HIF3A: variants seen among roughly 807,000 people sequenced by gnomAD.
HIF3A encodes the protein hypoxia inducible factor 3 subunit alpha, also known as hypoxia-inducible factor 3-alpha.
A neutral mutation model predicts 67.2 loss-of-function variants in HIF3A; 41 were observed. The observed-to-expected ratio is 0.61, with a 90% CI of 0.48 to 0.79. The LOEUF (loss-of-function observed/expected upper bound fraction) is 0.79. HIF3A is among the 30% of genes least tolerant of loss of function. The pLI is 0.00. For synonymous variants in HIF3A, 356 were observed against 374.8 expected (o/e 0.95, Z 0.58); for missense variants, 855 against 898.0 (o/e 0.95, Z 0.61).
At chr19:46,307,434 T>C (rs2311053) in intron 3 of HIF3A, among the ~76,000 whole-genome samples, 40,339 of 149,634 alleles carry the variant, frequency 0.27, 5,687 homozygotes, top group East Asian at 0.49. Context: ...AGACCCCCAT[T>C]TCTACAAAAA....
chr19:46,299,955 C>T (rs1471768652), intron 1 of HIF3A, among the ~76,000 whole-genome samples: 2 of 152,040 alleles, frequency 1.3e-5, no homozygotes, highest in South Asian at 2.1e-4. Flanking sequence ...CTTCCTCATC[C>T]GGAAAATGGG....
intron 3 of HIF3A, among the ~76,000 whole-genome samples, chr19:46,307,987 C>CAGAT (rs751312536): frequency 9.3e-6 from 1 of 107,366 alleles, no homozygotes; most frequent in African/African-American, 3.6e-5. Context: ...GACAGACAGA[C>CAGAT]AGACAGACAG....
In HIF3A at chr19:46,312,280, T is replaced by G. The variant is rs1396680797; in HGVS notation, c.877+13T>G. The G allele has an allele frequency of 6.2e-7, 1 of 1,613,950 alleles. No homozygotes were observed. The highest frequency in any genetic ancestry group is 1.1e-5 in the South Asian group (1 of 91,078). ...AGCATCCACACCTGTATGTATCCCA[T>G]TTCCCCAGGTGCGAAGCCAGCTGCC... is the stretch of plus-strand genomic sequence containing the variant. On this transcript the variant is annotated intron_variant, in intron 7 of 14. Transcript: ENST00000377670.
Position 46,309,344 on chromosome 19 carries a change from C to A in HIF3A, c.755C>A (p.Thr252Asn). Residue 252 changes from threonine to asparagine, a missense_variant, in exon 6 of 15, where the codon ACC (threonine) becomes AAC (asparagine). Coordinates refer to ENST00000377670, the MANE Select transcript of HIF3A (RefSeq NM_152795.4). The stretch of plus-strand genomic sequence containing the variant: ...CGCCACAGCCTGGACATGAAGTTCA[C>A]CTACTGTGACGACAGGTGGGCAGGG... The part of the protein sequence containing the change: ...LSRHSLDMKF[T>N]YCDDRIAEVA... 6.2e-7 allele frequency: 1 copy of A among 1,608,996 alleles called. No individual in the cohort carries two copies. The highest frequency in any genetic ancestry group is 8.5e-7 in the Non-Finnish European group (1 of 1,177,622).
At position 46,297,520 on chromosome 19, in the gene HIF3A, G is replaced by A. The variant is rs1568492437; in HGVS notation, c.26+418G>A. Among the ~76,000 whole-genome samples, 1 of 152,054 alleles carries A rather than the reference G, an allele frequency of 6.6e-6. No homozygotes were observed. Among genetic ancestry groups the A allele is most frequent in the Non-Finnish European group, 1.5e-5 (1 of 67,988 alleles). ...AATTGAGGGTATTCTTTGCCACCAG[G>A]TGCCTGGGATCCTAGGTGATATGGG... On this transcript the variant is annotated intron_variant, in intron 1 of 14. Transcript: ENST00000377670. The surrounding 1 kb of genome is among the most constrained non-coding windows in gnomAD (Gnocchi z 4.5).
rs1270455576 is a variant in HIF3A, at chr19:46,303,915, G to A, written c.44G>A (p.Arg15His). 1.2e-6 allele frequency: 2 copies of A among 1,608,572 alleles called. No individual in the cohort carries two copies. Among genetic ancestry groups the A allele is most frequent in the Non-Finnish European group, 1.7e-6 (2 of 1,177,908 alleles). The change falls in exon 2 of 15, where the codon CGC becomes CAC. Residue 15 changes from arginine (R) to histidine (H), a missense_variant. By Grantham distance (29) the Arg-to-His change is conservative (BLOSUM62 0). Coordinates refer to ENST00000377670, the MANE Select transcript of HIF3A (RefSeq NM_152795.4). ...GCCCTCAGGTCGACCACGGAGCTGC[G>A]CAAGGAAAAGTCCCGGGATGCGGCC... ...LQRARSTTEL[R>H]KEKSRDAARS...
At chr19:46,331,096 C>G in intron 12 of HIF3A, 60 bp from the exon 13 acceptor site, 2 of 1,354,634 alleles carry the variant, frequency 1.5e-6, no homozygotes, top group Non-Finnish European at 2.1e-6. Context: ...CCTGCTTACA[C>G]TGTTATCCAC....
chr19:46,297,149 T>C lies in HIF3A; in HGVS notation c.26+47T>C, dbSNP rs199501715. Reference sequence around the variant, plus strand: ...AGTTCTGGGAATTGGGGGGCTCTCCTCCTGGAGACCCCTGAGCTGGATTGT... The same window carrying C: ...AGTTCTGGGAATTGGGGGGCTCTCCCCCTGGAGACCCCTGAGCTGGATTGT... On this transcript the variant is annotated intron_variant, in intron 1 of 14. Transcript: ENST00000377670. The surrounding 1 kb of genome is among the most constrained non-coding windows in gnomAD (Gnocchi z 4.5). 0.022 allele frequency: 8,290 copies of C among 373,768 alleles called. 67 individuals are homozygous for C. The highest frequency in any genetic ancestry group is 0.034 in the Non-Finnish European group (7,486 of 223,194). The allele number at this position is 373,768 out of a possible 1,614,324, so 23.2% of individuals were successfully genotyped here.
At chr19:46,320,293 A>G (rs942921040) in intron 8 of HIF3A, 150 bp from the exon 9 acceptor site, 7 of 654,196 alleles carry the variant, frequency 1.1e-5, no homozygotes, top group Non-Finnish European at 1.6e-5. Flanking sequence ...ATAGGAGACA[A>G]ATAAATGTGG....
chr19:46,304,160 G>GC (rs1968603538), intron 2 of HIF3A, 72 bp downstream of exon 2: 1 of 1,377,318 alleles, frequency 7.3e-7, no homozygotes. Flanking sequence ...TCCCAGGGAG[G>GC]CCCCTCCTCC....
At chr19:46,323,701 T>A (rs1209248309) in intron 10 of HIF3A, among the ~76,000 whole-genome samples, 5 of 152,120 alleles carry the variant, frequency 3.3e-5, no homozygotes, top group Admixed American at 3.3e-4. Context: ...AAAGATTTAA[T>A]GGACTCACGG....
chr19:46,309,414 C>G, intron 6 of HIF3A, 55 bp downstream of exon 6: 1 of 1,061,362 alleles, frequency 9.4e-7, no homozygotes. Flanking sequence ...TTTCCCTCCC[C>G]ACCTCCACAC....
At chr19:46,302,111 T>G (rs536920595) in intron 1 of HIF3A, among the ~76,000 whole-genome samples, 1 of 151,628 alleles carries the variant, frequency 6.6e-6, no homozygotes, top group African/African-American at 2.4e-5. Flanking sequence ...TGTTAATTTG[T>G]TTTTTGTCTT....
intron 5 of HIF3A, 59 bp from the exon 6 acceptor site, chr19:46,309,092 C>G (rs528571569): frequency 9.6e-6 from 14 of 1,459,694 alleles, no homozygotes; most frequent in Middle Eastern, 1.8e-4. Context: ...TCTTCCAACC[C>G]CATGGGTGGT....
intron 11 of HIF3A, among the ~76,000 whole-genome samples, chr19:46,326,919 C>T (rs569126979): frequency 3.9e-5 from 6 of 152,096 alleles, no homozygotes; most frequent in Non-Finnish European, 5.9e-5. Context: ...TTTGGGAGGC[C>T]GAGGCAGGTG....
At chr19:46,326,423 C>G (rs1009195837) in intron 11 of HIF3A, among the ~76,000 whole-genome samples, 1 of 152,090 alleles carries the variant, frequency 6.6e-6, no homozygotes, top group African/African-American at 2.4e-5. Flanking sequence ...TTGTTTTGGT[C>G]ATATAGATCA....
chr19:46,336,971 A>T (rs1971672440), intron 14 of HIF3A, among the ~76,000 whole-genome samples: 1 of 152,166 alleles, frequency 6.6e-6, no homozygotes, highest in Admixed American at 6.5e-5. Context: ...TGGGCAACAC[A>T]GCAAGACTCT....
chr19:46,298,582 T>C (rs1968058521), intron 1 of HIF3A: 3 of 1,153,050 alleles, frequency 2.6e-6, no homozygotes, highest in Admixed American at 2.8e-5. Context: ...GCCATCCCAC[T>C]GTGGCCAAGG....
At chr19:46,337,052 G>A (rs1194275505) in intron 14 of HIF3A, among the ~76,000 whole-genome samples, 4 of 152,032 alleles carry the variant, frequency 2.6e-5, no homozygotes, top group Admixed American at 6.6e-5. Flanking sequence ...TAAGTGTAAC[G>A]GGGAAATAAT....
Sources: gnomAD v4.1 joint callset for allele counts (sites outside exome capture counted in the v4.1 genomes callset) on GRCh38, gnomAD v4.1.1 for gene constraint, Gnocchi (gnomAD v3.1) non-coding constraint, MANE v1.5 for transcripts, NCBI Gene and HGNC (gene_info 2026-07-23, HGNC 2026-07-21) for gene names.